AHI1: variants seen among roughly 807,000 people sequenced by gnomAD.
AHI1 encodes jouberin.
In AHI1, 123 loss-of-function variants were observed where a neutral mutation model predicts 149.3. That is an observed-to-expected ratio of 0.82 (90% CI 0.71 to 0.96). AHI1 has a LOEUF of 0.96. Ranked by LOEUF, AHI1 falls within the 40% of genes least tolerant of loss-of-function variation. The pLI is 0.00. For missense variants in AHI1, 1,439 were observed against 1,422.7 expected, an observed-to-expected ratio of 1.01 and a Z score of -0.18; for synonymous variants, 475 against 459.8, an observed-to-expected ratio of 1.03 and a Z score of -0.42.
At chr6:135,432,385 C>T (rs1784789743) in intron 16 of AHI1, among the ~76,000 whole-genome samples, 10 of 152,122 alleles carry the variant, frequency 6.6e-5, no homozygotes, top group Admixed American at 6.6e-4. Flanking sequence ...TGGAGTCTCA[C>T]TCTGTCGCCC....
At chr6:135,348,150 AACTC>A (rs1292198564) in intron 24 of AHI1, among the ~76,000 whole-genome samples, 1 of 152,126 alleles carries the variant, frequency 6.6e-6, no homozygotes, top group Non-Finnish European at 1.5e-5. Flanking sequence ...AAACTTGGTG[AACTC>A]ACATGTTTAT....
At chr6:135,398,142 A>G (rs995648143) in intron 22 of AHI1, among the ~76,000 whole-genome samples, 1 of 151,526 alleles carries the variant, frequency 6.6e-6, no homozygotes, top group African/African-American at 2.4e-5. Context: ...TTAAACAGAA[A>G]ACTTGAGCCA....
chr6:135,366,333 A>G (rs1354450878), intron 23 of AHI1, among the ~76,000 whole-genome samples: 3 of 151,714 alleles, frequency 2.0e-5, no homozygotes, highest in Non-Finnish European at 1.5e-5. Context: ...CTTGTTCTCT[A>G]TCTTTTGGAA....
At chr6:135,358,352 C>T (rs1225986296) in intron 23 of AHI1, among the ~76,000 whole-genome samples, 165 bp from the exon 24 acceptor site, 1 of 152,176 alleles carries the variant, frequency 6.6e-6, no homozygotes, top group East Asian at 1.9e-4. Context: ...ATCATGAATT[C>T]TTTGGTCAGA....
intron 24 of AHI1, among the ~76,000 whole-genome samples, chr6:135,343,116 A>T (rs1200581963): frequency 6.6e-6 from 1 of 151,940 alleles, no homozygotes. Context: ...ATACATGAGC[A>T]ATATACAAAA....
chr6:135,472,018 CAAAAAAAAAAAAAAAAAAAAAA>C (rs541390652), intron 5 of AHI1, among the ~76,000 whole-genome samples: 1 of 54,418 alleles, frequency 1.8e-5, no homozygotes, highest in Non-Finnish European at 3.1e-5. Flanking sequence ...GACTCCGTCT[CAAAAAAAAAAAAAAAAAAAAAA>C]AAAAAAAAAG....
In AHI1 at chr6:135,411,504, T is replaced by G. The variant is rs1781588702; in HGVS notation, c.2805A>C (p.Gly935=). ...GGTGTATTCCAGGTAATGGAAATGT[T>G]CCATTGTAGCGTTTGAACATTTCAG... ...QEAEMFKRYN[G]TFPLPGIHQS... is the part of the protein sequence containing the mutation. Residue 935 remains glycine, a synonymous_variant, in exon 21 of 29, where the codon GGA becomes GGC. Coordinates refer to ENST00000265602, the MANE Select transcript of AHI1 (RefSeq NM_001134831.2). 2 of 1,607,670 alleles carry G rather than the reference T, an allele frequency of 1.2e-6. No individual in the cohort carries two copies. Among genetic ancestry groups the G allele is most frequent in the Admixed American group, 3.4e-5 (2 of 59,354 alleles).
chr6:135,485,007 TAA>T (rs1794262250), intron 5 of AHI1, among the ~76,000 whole-genome samples: 1 of 152,106 alleles, frequency 6.6e-6, no homozygotes, highest in Non-Finnish European at 1.5e-5. Context: ...GTTTGTGAGA[TAA>T]AATTCCTTCC....
intron 26 of AHI1, 170 bp from the exon 27 acceptor site, chr6:135,300,728 T>C: frequency 8.0e-7 from 1 of 1,255,968 alleles, no homozygotes; most frequent in Non-Finnish European, 1.0e-6. Flanking sequence ...CAGGACAATA[T>C]ATTTGCTCCC....
chr6:135,360,934 T>G (rs1562575783), intron 23 of AHI1, among the ~76,000 whole-genome samples: 1 of 152,246 alleles, frequency 6.6e-6, no homozygotes, highest in Non-Finnish European at 1.5e-5. Flanking sequence ...TTTCAATGAT[T>G]TGACTATTTA....
chr6:135,431,726 A>T (rs1383902287), intron 16 of AHI1, among the ~76,000 whole-genome samples: 1 of 152,176 alleles, frequency 6.6e-6, no homozygotes, highest in African/African-American at 2.4e-5. Context: ...AATATGCACC[A>T]GTTTAACATC....
intron 24 of AHI1, among the ~76,000 whole-genome samples, chr6:135,345,835 T>TA (rs551342114): frequency 2.0e-5 from 3 of 152,146 alleles, no homozygotes; most frequent in African/African-American, 2.4e-5. Context: ...AAAGCTGTTA[T>TA]AAAAAAAGAA....
In AHI1 at chr6:135,290,545, G is replaced by A. The variant is rs769192776; in HGVS notation, c.3486-20C>T. On this transcript the variant is annotated intron_variant, in intron 27 of 28. Coordinates refer to ENST00000265602, the MANE Select transcript of AHI1 (RefSeq NM_001134831.2). ...TCAGAACTATAGGAGGGAAAGATCAGAAACAAGGAGCCAGTAAAAGAGAGC... is the reference window on the plus strand; with the variant it reads ...TCAGAACTATAGGAGGGAAAGATCAAAAACAAGGAGCCAGTAAAAGAGAGC... 38 of 1,613,208 alleles carry A rather than the reference G, an allele frequency of 2.4e-5. 2 individuals carry two copies. The South Asian group carries it at 4.1e-4, about 17-fold the overall frequency.
chr6:135,469,290 C>A (rs1791328049), intron 5 of AHI1, among the ~76,000 whole-genome samples: 1 of 152,094 alleles, frequency 6.6e-6, no homozygotes, highest in South Asian at 2.1e-4. Flanking sequence ...ACAGGAAAGG[C>A]CTTTGATAAA....
chr6:135,493,548 A>T (rs1795547714), intron 3 of AHI1, among the ~76,000 whole-genome samples: 2 of 152,210 alleles, frequency 1.3e-5, no homozygotes, highest in Non-Finnish European at 1.5e-5. Context: ...AATTTAATAA[A>T]TCTAGTCTTC....
At chr6:135,487,381 T>C (rs1794634652) in intron 5 of AHI1, among the ~76,000 whole-genome samples, 2 of 152,170 alleles carry the variant, frequency 1.3e-5, no homozygotes, top group Non-Finnish European at 1.5e-5. Flanking sequence ...TTGAAAACAA[T>C]TTGGTTCTGT....
chr6:135,431,150 G>T, intron 17 of AHI1, 58 bp downstream of exon 17: 1 of 1,153,598 alleles, frequency 8.7e-7, no homozygotes, highest in Non-Finnish European at 1.2e-6. Flanking sequence ...AAAGTCATGT[G>T]ATTGGATTTT....
chr6:135,330,918 T>A (rs1410641912), intron 24 of AHI1, among the ~76,000 whole-genome samples: 4 of 152,238 alleles, frequency 2.6e-5, no homozygotes, highest in Admixed American at 6.5e-5. Flanking sequence ...AATCATAACT[T>A]CCCTATGTCC....
rs751011125 is a variant in AHI1, at chr6:135,448,358, T to C, written c.1558A>G (p.Lys520Glu). ...SVVEAFEWWS[K>E]CPRNHYPSTL... is the part of the protein sequence containing the mutation. Reference sequence around the variant, plus strand: ...GATGGGTAATGATTTCTTGGACATTTTGACCACCATTCAAATGCCTCAACA... The same window carrying C: ...GATGGGTAATGATTTCTTGGACATTCTGACCACCATTCAAATGCCTCAACA... The change falls in exon 12 of 29, where the codon AAA becomes GAA. Residue 520 changes from lysine to glutamate, a missense_variant. Lys to Glu is a moderately conservative substitution (Grantham distance 56, BLOSUM62 1). Coordinates refer to ENST00000265602, the MANE Select transcript of AHI1 (RefSeq NM_001134831.2). The C allele has an allele frequency of 2.2e-5, 35 of 1,611,386 alleles. No homozygotes were observed. The East Asian group carries it at 6.2e-4, about 29-fold the overall frequency.
Sources: gnomAD v4.1 joint callset for allele counts (sites outside exome capture counted in the v4.1 genomes callset) on GRCh38, gnomAD v4.1.1 for gene constraint, MANE v1.5 for transcripts, NCBI Gene and HGNC (gene_info 2026-07-23, HGNC 2026-07-21) for gene names.